Variants in DNAH9 observed in about 807,000 individuals in gnomAD.
DNAH9 encodes the protein dynein axonemal heavy chain 9.
DNAH9 carries 345 observed loss-of-function variants against 471.6 expected under a neutral mutation model. That is an observed-to-expected ratio of 0.73 (90% CI 0.67 to 0.80). The LOEUF (loss-of-function observed/expected upper bound fraction) is 0.80. Among genes scored for constraint, DNAH9 ranks in the 30% least tolerant of loss-of-function variants. The pLI is 0.00. For missense variants in DNAH9, 5,407 were observed against 5,609.2 expected, an observed-to-expected ratio of 0.96 and a Z score of 1.15; for synonymous variants, 2,093 against 2,123.6, an observed-to-expected ratio of 0.99 and a Z score of 0.40.
chr17:11,734,432 A>G (rs920496840), intron 28 of DNAH9, among the ~76,000 whole-genome samples: 7 of 152,206 alleles, frequency 4.6e-5, no homozygotes, highest in African/African-American at 1.7e-4. Context: ...AACTTTCCAC[A>G]TGGTTCACAC....
chr17:11,758,707 C>A (rs976582305), intron 35 of DNAH9, among the ~76,000 whole-genome samples: 10 of 152,128 alleles, frequency 6.6e-5, no homozygotes, highest in Non-Finnish European at 1.3e-4. Context: ...ATTCCATATG[C>A]CCCGCCCCAC....
intron 36 of DNAH9, among the ~76,000 whole-genome samples, chr17:11,766,735 C>T (rs1037765287): frequency 8.5e-5 from 13 of 152,224 alleles, no homozygotes; most frequent in African/African-American, 1.2e-4. Context: ...GAGGCCAAGG[C>T]GGGTGGATCA....
intron 61 of DNAH9, among the ~76,000 whole-genome samples, chr17:11,911,571 A>T (rs569113950): frequency 6.6e-6 from 1 of 152,056 alleles, no homozygotes; most frequent in Non-Finnish European, 1.5e-5. Context: ...CTGTCATCTT[A>T]TGTTTCATAT....
At chr17:11,800,911 T>C (rs1190608794) in intron 43 of DNAH9, among the ~76,000 whole-genome samples, 1 of 152,110 alleles carries the variant, frequency 6.6e-6, no homozygotes, top group Non-Finnish European at 1.5e-5. Context: ...GACTAAATCA[T>C]GCAGAGGAAA....
In DNAH9 at chr17:11,644,839, G is replaced by A. The variant is rs1389532163; in HGVS notation, c.1970+140G>A. Reference sequence around the variant, plus strand: ...TATGTTATAACCACGATATTTGTGAGTACAGTATTTCCGGGTTGCACACAC... The same window carrying A: ...TATGTTATAACCACGATATTTGTGAATACAGTATTTCCGGGTTGCACACAC... On this transcript the variant is annotated intron_variant, in intron 11 of 68. Coordinates refer to ENST00000262442, the MANE Select transcript of DNAH9 (RefSeq NM_001372.4). 1.1e-5 allele frequency: 7 copies of A among 629,496 alleles called. No homozygotes were observed. The East Asian group carries it at 1.1e-4, about 10-fold the overall frequency. 39.0% of individuals were successfully genotyped at this position (629,496 alleles called of 1,614,324 possible).
At chr17:11,681,229 C>T (rs2074127987) in intron 19 of DNAH9, among the ~76,000 whole-genome samples, 1 of 152,118 alleles carries the variant, frequency 6.6e-6, no homozygotes, top group African/African-American at 2.4e-5. Flanking sequence ...ACAGACTGTT[C>T]TTTTGGTTTT....
At chr17:11,795,508 G>A (rs2150910526) in intron 42 of DNAH9, among the ~76,000 whole-genome samples, 1 of 152,280 alleles carries the variant, frequency 6.6e-6, no homozygotes, top group Admixed American at 6.5e-5. Context: ...CCCAACCTAT[G>A]TGACAGCCTT....
chr17:11,883,172 A>G, intron 55 of DNAH9: 1 of 990,614 alleles, frequency 1.0e-6, no homozygotes, highest in Non-Finnish European at 1.2e-6. Flanking sequence ...TTTTTTTTTA[A>G]GTAAGCCATA....
At chr17:11,778,130 G>T (rs1968512344) in intron 38 of DNAH9, among the ~76,000 whole-genome samples, 1 of 151,696 alleles carries the variant, frequency 6.6e-6, no homozygotes, top group African/African-American at 2.4e-5. Context: ...AACTGTGCTG[G>T]CATTTGGAAG....
At chr17:11,691,134 C>A (rs2074327291) in intron 20 of DNAH9, among the ~76,000 whole-genome samples, 1 of 152,142 alleles carries the variant, frequency 6.6e-6, no homozygotes. Context: ...GCTGTCCAGG[C>A]TTTGGTTAGA....
At chr17:11,646,733 G>C (rs1037271577) in intron 11 of DNAH9, among the ~76,000 whole-genome samples, 10 of 152,144 alleles carry the variant, frequency 6.6e-5, no homozygotes, top group Admixed American at 2.0e-4. Context: ...GAACAACACA[G>C]AGAAACCCCA....
Position 11,608,117 on chromosome 17 carries a change from C to G in DNAH9, c.418-12C>G. On this transcript the variant is annotated splice_polypyrimidine_tract_variant and intron_variant, in intron 1 of 68. Transcript: ENST00000262442. ...AACACCTGCCTTTCTTTCCTGTGCA[C>G]CTCTGTTCCAGGTTGTTCTACCCGT... 1 of 1,569,172 alleles carries G rather than the reference C, an allele frequency of 6.4e-7. No individual in the cohort carries two copies. The highest frequency in any genetic ancestry group is 8.7e-7 in the Non-Finnish European group (1 of 1,154,170).
At chr17:11,771,878 T>C (rs1968221202) in intron 38 of DNAH9, among the ~76,000 whole-genome samples, 2 of 152,228 alleles carry the variant, frequency 1.3e-5, no homozygotes, top group Non-Finnish European at 2.9e-5. Context: ...TACACTTTTC[T>C]CTTTTTTTAC....
intron 14 of DNAH9, 71 bp downstream of exon 14, chr17:11,653,073 A>G: frequency 2.0e-6 from 3 of 1,519,942 alleles, no homozygotes; most frequent in Non-Finnish European, 2.7e-6. Context: ...GTTTGGATGA[A>G]TAAGTGATTA....
At chr17:11,784,627 G>GC in intron 41 of DNAH9, 88 bp downstream of exon 41, 3 of 1,568,408 alleles carry the variant, frequency 1.9e-6, no homozygotes, top group Non-Finnish European at 2.6e-6. Context: ...CTAATGCCCA[G>GC]CTCATAGGCA....
chr17:11,819,962 G>A (rs1484645652), intron 45 of DNAH9, among the ~76,000 whole-genome samples: 7 of 151,806 alleles, frequency 4.6e-5, no homozygotes, highest in African/African-American at 1.7e-4. Context: ...GCACGGTTTG[G>A]GGCCTCCTAT....
At position 11,823,895 on chromosome 17, in the gene DNAH9, C is replaced by T. The variant is rs565809587; in HGVS notation, c.9246+861C>T. On this transcript the variant is annotated intron_variant, in intron 48 of 68. Coordinates refer to ENST00000262442, the MANE Select transcript of DNAH9 (RefSeq NM_001372.4). ...CAGTGAGCCGAGATTGCACCACTGC[C>T]GTCCAGCCTGGGTGATAGAGTGAGA... Among the ~76,000 whole-genome samples the T allele has an allele frequency of 4.0e-5, 6 of 150,308 alleles. No homozygotes were observed. In the East Asian group the frequency reaches 5.9e-4, roughly 15 times the overall value.
chr17:11,786,362 C>A (rs1043693008), intron 41 of DNAH9, among the ~76,000 whole-genome samples: 1 of 151,990 alleles, frequency 6.6e-6, no homozygotes, highest in African/African-American at 2.4e-5. Context: ...AAAAAATTCT[C>A]GTGGAATAGC....
rs917639172 is a variant in DNAH9 at position 11,886,974 on chromosome 17, C to T, written c.11112+9C>T. 2.5e-6 allele frequency: 4 copies of T among 1,605,624 alleles called. No individual in the cohort carries two copies. The highest frequency in any genetic ancestry group is 3.4e-6 in the Non-Finnish European group (4 of 1,176,098). Reference sequence around the variant, plus strand: ...ACCAGTTTTCTCTCAAGGTGACTTACACCTGGAGTTTCTTGCCTGATTATA... The same window carrying T: ...ACCAGTTTTCTCTCAAGGTGACTTATACCTGGAGTTTCTTGCCTGATTATA... On this transcript the variant is annotated intron_variant, in intron 57 of 68. Coordinates refer to ENST00000262442, the MANE Select transcript of DNAH9 (RefSeq NM_001372.4).
Sources: gnomAD v4.1 joint callset for allele counts (sites outside exome capture counted in the v4.1 genomes callset) on GRCh38, gnomAD v4.1.1 for gene constraint, MANE v1.5 for transcripts, NCBI Gene and HGNC (gene_info 2026-07-23, HGNC 2026-07-21) for gene names.